Variants in CSNK1G1 observed in about 807,000 individuals in gnomAD.
The protein encoded by CSNK1G1 is casein kinase I isoform gamma-1.
A neutral mutation model predicts 59.6 loss-of-function variants in CSNK1G1; 22 were observed. The ratio of observed to expected loss-of-function variants is 0.37; its 90% CI spans 0.26 to 0.53. CSNK1G1 has a LOEUF of 0.53. Among genes scored for constraint, CSNK1G1 ranks in the 20% least tolerant of loss-of-function variants. The pLI, the probability that CSNK1G1 is intolerant of heterozygous loss-of-function variation, is 0.89. For missense variants in CSNK1G1, 384 were observed against 519.5 expected (o/e 0.74, Z 2.54); for synonymous variants, 179 against 177.1 (o/e 1.01, Z -0.08).
At chr15:64,326,895 G>C (rs1180213704) in intron 1 of CSNK1G1, among the ~76,000 whole-genome samples, 3 of 151,014 alleles carry the variant, frequency 2.0e-5, no homozygotes, top group African/African-American at 7.3e-5. Context: ...CCCTTTCCGA[G>C]TCAAAGAAAG....
chr15:64,288,570 A>C (rs868335551), intron 2 of CSNK1G1, among the ~76,000 whole-genome samples: 1 of 151,170 alleles, frequency 6.6e-6, no homozygotes, highest in South Asian at 2.1e-4. Flanking sequence ...ATATGTGTGT[A>C]TGTGTGTGTG....
chr15:64,306,287 C>T (rs1241939243), intron 1 of CSNK1G1, among the ~76,000 whole-genome samples: 2 of 152,138 alleles, frequency 1.3e-5, no homozygotes, highest in Non-Finnish European at 2.9e-5. Flanking sequence ...ACTCTTAAAA[C>T]TCAACAATCA....
At chr15:64,244,137 C>G (rs565058067) in intron 4 of CSNK1G1, among the ~76,000 whole-genome samples, 1 of 151,998 alleles carries the variant, frequency 6.6e-6, no homozygotes, top group South Asian at 2.1e-4. Flanking sequence ...CCACTGCACT[C>G]CAGCCTGGGC....
intron 2 of CSNK1G1, among the ~76,000 whole-genome samples, chr15:64,273,963 T>C (rs940729004): frequency 3.9e-5 from 6 of 152,226 alleles, no homozygotes; most frequent in South Asian, 2.1e-4. Context: ...CTAAAAGTGA[T>C]AGACAAATTA....
chr15:64,288,140 T>A (rs181678553), intron 2 of CSNK1G1, among the ~76,000 whole-genome samples: 84 of 152,272 alleles, frequency 5.5e-4, no homozygotes, highest in Middle Eastern at 3.4e-3. Flanking sequence ...GAATTTTTTT[T>A]AAAAATCAAG....
chr15:64,238,304 C>T (rs770238905), intron 4 of CSNK1G1, among the ~76,000 whole-genome samples: 5 of 150,972 alleles, frequency 3.3e-5, no homozygotes, highest in Non-Finnish European at 5.9e-5. Context: ...GCCTGGGCAA[C>T]AAAGCAAGAT....
At chr15:64,177,975 T>G (rs985790330) in intron 11 of CSNK1G1, among the ~76,000 whole-genome samples, 1 of 152,194 alleles carries the variant, frequency 6.6e-6, no homozygotes, top group African/African-American at 2.4e-5. Flanking sequence ...GCTCTGACAA[T>G]GTTTGAATCA....
At chr15:64,332,897 G>A (rs1056235804) in intron 1 of CSNK1G1, among the ~76,000 whole-genome samples, 5 of 152,080 alleles carry the variant, frequency 3.3e-5, no homozygotes, top group African/African-American at 1.2e-4. Flanking sequence ...AGAATCACTG[G>A]TGTTCCTGAG....
intron 1 of CSNK1G1, among the ~76,000 whole-genome samples, chr15:64,319,697 G>C (rs759187655): frequency 6.6e-6 from 1 of 151,632 alleles, no homozygotes; most frequent in Non-Finnish European, 1.5e-5. Flanking sequence ...GGCGCATGCC[G>C]CCATGCCCGG....
In CSNK1G1 at chr15:64,221,803, T is replaced by C. The variant is rs147253668; in HGVS notation, c.293-5090A>G. On this transcript the variant is annotated intron_variant, in intron 4 of 11. Coordinates refer to ENST00000303052, the MANE Select transcript of CSNK1G1 (RefSeq NM_022048.5). ...AGATGCTGGAGAGGCTATGGAGAAATAGGAACACTTTTACACTGTTGGTAG... is the reference window on the plus strand; with the variant it reads ...AGATGCTGGAGAGGCTATGGAGAAACAGGAACACTTTTACACTGTTGGTAG... Among the ~76,000 whole-genome samples, 1,254 of 152,008 alleles carry C rather than the reference T, an allele frequency of 8.2e-3. 17 individuals carry two copies. The highest frequency in any genetic ancestry group is 0.028 in the African/African-American group (1,177 of 41,458).
chr15:64,327,858 C>G (rs1458406373), intron 1 of CSNK1G1, among the ~76,000 whole-genome samples: 1 of 39,384 alleles, frequency 2.5e-5, no homozygotes, highest in East Asian at 6.9e-4. Flanking sequence ...AACCAAGGCT[C>G]GAGAACTACG....
chr15:64,286,059 T>C (rs992250972), intron 2 of CSNK1G1, among the ~76,000 whole-genome samples: 2 of 152,236 alleles, frequency 1.3e-5, no homozygotes, highest in Admixed American at 6.5e-5. Flanking sequence ...TACATTTTCT[T>C]GTGTTTCACA....
At chr15:64,317,384 C>T (rs957367745) in intron 1 of CSNK1G1, among the ~76,000 whole-genome samples, 4 of 152,076 alleles carry the variant, frequency 2.6e-5, no homozygotes, top group Non-Finnish European at 1.5e-5. Context: ...CCACTGTGCC[C>T]GGCCTAAAGT....
intron 7 of CSNK1G1, among the ~76,000 whole-genome samples, chr15:64,206,308 C>T (rs975229941): frequency 6.6e-5 from 10 of 152,022 alleles, no homozygotes; most frequent in Admixed American, 6.6e-5. Context: ...GGTGTGGTGG[C>T]GTGTGCCTGT....
At chr15:64,349,416 C>T (rs985845072) in intron 1 of CSNK1G1, among the ~76,000 whole-genome samples, 1 of 152,142 alleles carries the variant, frequency 6.6e-6, no homozygotes, top group African/African-American at 2.4e-5. Flanking sequence ...TCCCTCTACC[C>T]AGTATACCCA....
chr15:64,280,902 CAG>C (rs1214789642), intron 2 of CSNK1G1, among the ~76,000 whole-genome samples: 1 of 150,670 alleles, frequency 6.6e-6, no homozygotes, highest in Non-Finnish European at 1.5e-5. Context: ...TTTTTTGAGA[CAG>C]AGTCTCACTC....
chr15:64,271,336 G>T (rs1458742607), intron 2 of CSNK1G1, among the ~76,000 whole-genome samples: 1 of 151,816 alleles, frequency 6.6e-6, no homozygotes, highest in East Asian at 1.9e-4. Context: ...CACCGAGGCT[G>T]GACTACAATG....
At chr15:64,186,319 G>A (rs2081895161) in intron 10 of CSNK1G1, among the ~76,000 whole-genome samples, 1 of 152,000 alleles carries the variant, frequency 6.6e-6, no homozygotes, top group African/African-American at 2.4e-5. Context: ...CACCATAGTG[G>A]CCAGGCTGGT....
At position 64,210,444 on chromosome 15, in the gene CSNK1G1, C is replaced by T. The variant is rs1360666757; in HGVS notation, c.680-2850G>A. Among the ~76,000 whole-genome samples, 11 of 152,136 alleles carry T rather than the reference C, an allele frequency of 7.2e-5. No individual in the cohort carries two copies. The highest frequency in any genetic ancestry group is 7.2e-4 in the Admixed American group (11 of 15,276). On this transcript the variant is annotated intron_variant, in intron 6 of 11. Transcript: ENST00000303052. This position sits in a 1 kb window ranked among gnomAD's most constrained non-coding sequence, Gnocchi z 4.2. ...ACACTTGTCCAATTCATTATTTCTACATGCCCTCATTTTTTCATGCAGCAT... is the reference window on the plus strand; with the variant it reads ...ACACTTGTCCAATTCATTATTTCTATATGCCCTCATTTTTTCATGCAGCAT...
Sources: allele counts gnomAD v4.1 joint callset (sites outside exome capture counted in the v4.1 genomes callset), GRCh38; gene constraint gnomAD v4.1.1; non-coding constraint Gnocchi (gnomAD v3.1); transcripts MANE v1.5; gene names NCBI Gene and HGNC (gene_info 2026-07-23, HGNC 2026-07-21).